MGMT: variants seen among roughly 807,000 people sequenced by gnomAD.
MGMT encodes the protein methylated-DNA--protein-cysteine methyltransferase.
A neutral mutation model predicts 15.9 loss-of-function variants in MGMT; 14 were observed. The observed-to-expected ratio is 0.88, with a 90% CI of 0.58 to 1.37. The LOEUF is 1.37. MGMT is among the 40% of genes most tolerant of loss of function. The pLI is 0.00. For missense variants in MGMT, 282 were observed against 268.1 expected, an observed-to-expected ratio of 1.05 and a Z score of -0.36; for synonymous variants, 130 against 118.2, an observed-to-expected ratio of 1.10 and a Z score of -0.65.
At chr10:129,601,508 T>C (rs547180727) in intron 2 of MGMT, among the ~76,000 whole-genome samples, 1 of 152,120 alleles carries the variant, frequency 6.6e-6, no homozygotes, top group Non-Finnish European at 1.5e-5. Context: ...TGGAGATGAG[T>C]AAGGGAAACA....
intron 1 of MGMT, among the ~76,000 whole-genome samples, chr10:129,519,763 GGT>G: frequency 6.6e-6 from 1 of 152,258 alleles, no homozygotes; most frequent in African/African-American, 2.4e-5. Flanking sequence ...TGTTCTCAGT[GGT>G]GTGCAGGCTT....
intron 2 of MGMT, among the ~76,000 whole-genome samples, chr10:129,626,152 A>C (rs1369510901): frequency 6.6e-6 from 1 of 152,170 alleles, no homozygotes; most frequent in Non-Finnish European, 1.5e-5. Context: ...ATCCTGAGGA[A>C]CTGCTCCGCG....
At chr10:129,598,381 G>T (rs1368315993) in intron 2 of MGMT, among the ~76,000 whole-genome samples, 1 of 152,154 alleles carries the variant, frequency 6.6e-6, no homozygotes, top group Non-Finnish European at 1.5e-5. Flanking sequence ...CAATCTCTTA[G>T]CGTAGGTGAC....
chr10:129,482,561 C>T (rs73378873), intron 1 of MGMT, among the ~76,000 whole-genome samples: 1 of 152,088 alleles, frequency 6.6e-6, no homozygotes, highest in African/African-American at 2.4e-5. Flanking sequence ...GTTCTTGGTT[C>T]ATCTGTTCTA....
chr10:129,762,401 G>A (rs1175184875), intron 4 of MGMT, among the ~76,000 whole-genome samples: 4 of 152,258 alleles, frequency 2.6e-5, no homozygotes, highest in Admixed American at 6.5e-5. Flanking sequence ...TTCCCCAACC[G>A]GAGTAAGGGA....
intron 2 of MGMT, among the ~76,000 whole-genome samples, chr10:129,604,750 G>T (rs1236586421): frequency 7.1e-5 from 1 of 14,004 alleles, no homozygotes; most frequent in Non-Finnish European, 1.6e-4. Flanking sequence ...CCCTCCCCCC[G>T]GCTTTCAGGC....
At chr10:129,568,774 G>A (rs1263254589) in intron 2 of MGMT, among the ~76,000 whole-genome samples, 1 of 152,038 alleles carries the variant, frequency 6.6e-6, no homozygotes, top group African/African-American at 2.4e-5. Flanking sequence ...TGGCTCTCCT[G>A]CCCACCTCTG....
chr10:129,646,557 G>A (rs1205573519), intron 2 of MGMT, among the ~76,000 whole-genome samples: 1 of 151,122 alleles, frequency 6.6e-6, no homozygotes, highest in Non-Finnish European at 1.5e-5. Context: ...GTCGGGGCAC[G>A]GTGGCAGTTA....
intron 2 of MGMT, among the ~76,000 whole-genome samples, chr10:129,550,836 C>T (rs1270670061): frequency 6.6e-6 from 1 of 152,228 alleles, no homozygotes; most frequent in Non-Finnish European, 1.5e-5. Flanking sequence ...CCCTGGCACC[C>T]ACCCTACTCC....
At chr10:129,672,919 A>G (rs1169626121) in intron 2 of MGMT, among the ~76,000 whole-genome samples, 1 of 152,056 alleles carries the variant, frequency 6.6e-6, no homozygotes, top group South Asian at 2.1e-4. Context: ...ATTGCCCGGG[A>G]GGATGTTTTC....
chr10:129,526,402 C>T (rs975987247), intron 1 of MGMT, among the ~76,000 whole-genome samples: 3 of 152,094 alleles, frequency 2.0e-5, no homozygotes, highest in Non-Finnish European at 2.9e-5. Flanking sequence ...ACACGGTCCT[C>T]TTCCTCCCCC....
At chr10:129,721,168 C>A (rs1848366742) in intron 3 of MGMT, among the ~76,000 whole-genome samples, 1 of 152,102 alleles carries the variant, frequency 6.6e-6, no homozygotes, top group Non-Finnish European at 1.5e-5. Flanking sequence ...ATATGCCACC[C>A]AGGTGATGTA....
At chr10:129,729,874 C>G (rs1848476363) in intron 3 of MGMT, among the ~76,000 whole-genome samples, 1 of 152,194 alleles carries the variant, frequency 6.6e-6, no homozygotes, top group African/African-American at 2.4e-5. Flanking sequence ...AAGGAGCCAC[C>G]TGGGTGGAGA....
At chr10:129,673,198 C>G (rs1229390443) in intron 2 of MGMT, among the ~76,000 whole-genome samples, 1 of 152,166 alleles carries the variant, frequency 6.6e-6, no homozygotes, top group Non-Finnish European at 1.5e-5. Flanking sequence ...GCTGCTGTTT[C>G]CTCCTGTACG....
intron 3 of MGMT, among the ~76,000 whole-genome samples, chr10:129,732,319 G>A (rs183325769): frequency 0.085 from 962 of 11,284 alleles, 10 homozygotes; most frequent in African/African-American, 0.18. Flanking sequence ...CCCACCCCCC[G>A]ACAGGCCCCA....
chr10:129,478,730 T>C (rs1012906651), intron 1 of MGMT, among the ~76,000 whole-genome samples: 2 of 152,228 alleles, frequency 1.3e-5, no homozygotes, highest in Admixed American at 1.3e-4. Context: ...GGCATCTGGC[T>C]TTGGGGGGCC....
chr10:129,487,913 G>GTA (rs1491139877), intron 1 of MGMT, among the ~76,000 whole-genome samples: 1 of 39,358 alleles, frequency 2.5e-5, no homozygotes, highest in African/African-American at 6.8e-5. Flanking sequence ...CCATATAGGG[G>GTA]TGTGTGTGTG....
At chr10:129,712,715 G>A (rs1186678377) in intron 3 of MGMT, among the ~76,000 whole-genome samples, 1 of 152,162 alleles carries the variant, frequency 6.6e-6, no homozygotes, top group African/African-American at 2.4e-5. Context: ...TGACGAGGGA[G>A]GAGAGGAGAA....
intron 2 of MGMT, among the ~76,000 whole-genome samples, chr10:129,693,392 A>G (rs1847991920): frequency 6.6e-6 from 1 of 152,194 alleles, no homozygotes; most frequent in Non-Finnish European, 1.5e-5. Flanking sequence ...TTTCTTGAGC[A>G]TCTAAGAATC....
Sources: gnomAD v4.1 joint callset for allele counts (sites outside exome capture counted in the v4.1 genomes callset) on GRCh38, gnomAD v4.1.1 for gene constraint, MANE v1.5 for transcripts, NCBI Gene and HGNC (gene_info 2026-07-23, HGNC 2026-07-21) for gene names.